MCTP2: variants seen among roughly 807,000 people sequenced by gnomAD.
MCTP2 encodes multiple C2 and transmembrane domain containing 2.
Under a neutral mutation model 111.6 loss-of-function variants are expected in MCTP2, and 132 were observed. The observed-to-expected ratio is 1.18, with a 90% CI of 1.03 to 1.37. The LOEUF is 1.37. Among genes scored for constraint, MCTP2 ranks in the 40% most tolerant of loss-of-function variants. MCTP2 has a pLI of 0.00. For missense variants in MCTP2, 1,183 were observed against 1,067.9 expected (o/e 1.11, Z -1.50); for synonymous variants, 395 against 387.7 (o/e 1.02, Z -0.22).
At chr15:94,273,843 G>C (rs2074043783) in intron 1 of MCTP2, 2 of 223,690 alleles carry the variant, frequency 8.9e-6, no homozygotes, top group African/African-American at 4.6e-5. Context: ...AGGGCCAACG[G>C]CACCACCATC....
chr15:94,243,233 A>C (rs1389294181), intron 1 of MCTP2, among the ~76,000 whole-genome samples: 1 of 149,338 alleles, frequency 6.7e-6, no homozygotes, highest in East Asian at 2.0e-4. Flanking sequence ...GTATGCGTAC[A>C]TACACATGCG....
In MCTP2 at chr15:94,315,556, AG is replaced by A. The variant is rs1181730913; in HGVS notation, c.557del (p.Ser186IlefsTer15). ...SVPGEASDGL[S>X]NLPSPFAYLL... is the part of the protein sequence containing the mutation. Reference sequence around the variant, plus strand: ...ACCGGGGGAAGCCAGTGATGGCTTGAGTAACCTCCCCAGCCCTTTTGCGTAC... The same window carrying A: ...ACCGGGGGAAGCCAGTGATGGCTTGATAACCTCCCCAGCCCTTTTGCGTAC... On this transcript the variant is annotated frameshift_variant, in exon 4 of 23. Coordinates refer to ENST00000357742, the MANE Select transcript of MCTP2 (RefSeq NM_001385001.1). LOFTEE classifies it high-confidence loss of function. The A allele has an allele frequency of 6.2e-7, 1 of 1,614,038 alleles. No individual in the cohort carries two copies. Among genetic ancestry groups the A allele is most frequent in the South Asian group, 1.1e-5 (1 of 91,072 alleles).
Position 94,298,473 on chromosome 15 carries a change from G to A in MCTP2, c.208G>A (p.Gly70Arg), listed in dbSNP as rs138635643. ...GGCCCCAGAGGGCCGGCCTTACTCC[G>A]GGCCACAGTCTTCCTACACCTCGGT... Reference protein sequence around the residue: ...ALAPEGRPYSGPQSSYTSVPS... With the variant: ...ALAPEGRPYSRPQSSYTSVPS... The change falls in exon 2 of 23, where the codon GGG (glycine) becomes AGG (arginine). Residue 70 changes from glycine (G) to arginine (R), a missense_variant. By Grantham distance (125) the Gly-to-Arg change is moderately radical (BLOSUM62 -2). Transcript: ENST00000357742. 162 of 1,613,708 alleles carry A rather than the reference G, an allele frequency of 1.0e-4. No individual in the cohort carries two copies. Among genetic ancestry groups the A allele is most frequent in the East Asian group, 5.1e-4 (23 of 44,866 alleles).
intron 17 of MCTP2, among the ~76,000 whole-genome samples, chr15:94,418,467 G>A (rs536983329): frequency 6.6e-6 from 1 of 152,160 alleles, no homozygotes; most frequent in South Asian, 2.1e-4. Flanking sequence ...ACTTTCAACT[G>A]CTCAATTACC....
rs1221983586 is a variant in MCTP2 at position 94,478,991 on chromosome 15, GC to G, written c.2595del (p.Cys865Ter). On this transcript the variant is annotated frameshift_variant, in exon 23 of 23. Transcript: ENST00000357742. LOFTEE classifies it high-confidence loss of function. Reference sequence around the variant, plus strand: ...GTGCAGTATGCAGAATTGAAACTCTGCAGCAGCCACAGCCCCCTGCGGAAGA... The same window carrying G: ...GTGCAGTATGCAGAATTGAAACTCTGAGCAGCCACAGCCCCCTGCGGAAGA... ...QKVQYAELKL[C>X]SSHSPLRKKR... is the part of the protein sequence containing the mutation. 1 of 1,613,938 alleles carries G rather than the reference GC, an allele frequency of 6.2e-7. No individual in the cohort carries two copies. The highest frequency in any genetic ancestry group is 2.2e-5 in the East Asian group (1 of 44,882).
chr15:94,261,972 T>C (rs1193202123), intron 1 of MCTP2, among the ~76,000 whole-genome samples: 3 of 152,218 alleles, frequency 2.0e-5, no homozygotes, highest in East Asian at 3.8e-4. Context: ...TAATTTCTTG[T>C]ATATTGCAAT....
At chr15:94,394,049 CAAAAAAAAA>C (rs767685107) in intron 14 of MCTP2, among the ~76,000 whole-genome samples, 2 of 61,776 alleles carry the variant, frequency 3.2e-5, no homozygotes, top group Admixed American at 4.3e-4. Flanking sequence ...AACTCCATCT[CAAAAAAAAA>C]AAAAAAAAAA....
intron 1 of MCTP2, among the ~76,000 whole-genome samples, chr15:94,264,756 C>T (rs1383739874): frequency 6.6e-6 from 1 of 152,074 alleles, no homozygotes; most frequent in East Asian, 1.9e-4. Flanking sequence ...TGTTTTTAGC[C>T]ATCTTAAGAA....
chr15:94,434,469 T>C (rs911118435), intron 17 of MCTP2, among the ~76,000 whole-genome samples: 9 of 152,164 alleles, frequency 5.9e-5, no homozygotes, highest in Admixed American at 4.6e-4. Context: ...TTTTCTCTTA[T>C]CCTTTTTTCT....
chr15:94,404,566 T>C (rs1192604595), intron 17 of MCTP2, among the ~76,000 whole-genome samples: 1 of 152,214 alleles, frequency 6.6e-6, no homozygotes. Flanking sequence ...CCCAAAGTGC[T>C]AGGATTACAG....
chr15:94,264,949 T>G (rs369285059), intron 1 of MCTP2, among the ~76,000 whole-genome samples: 13 of 152,206 alleles, frequency 8.5e-5, no homozygotes, highest in African/African-American at 3.1e-4. Flanking sequence ...CTCACTATCT[T>G]TTAAATAAAG....
intron 1 of MCTP2, among the ~76,000 whole-genome samples, chr15:94,240,239 A>G (rs959482062): frequency 1.3e-5 from 2 of 152,156 alleles, no homozygotes; most frequent in Admixed American, 6.6e-5. Context: ...TAGGAACCCT[A>G]TTAGATAGGA....
At chr15:94,399,587 C>T (rs4984391) in intron 15 of MCTP2, 119,691 of 200,096 alleles carry the variant, frequency 0.6, 37,455 homozygotes, top group Middle Eastern at 0.78. Flanking sequence ...AAGCTTAACT[C>T]AAAAGGATTT....
At chr15:94,356,614 A>T (rs1314256912) in intron 9 of MCTP2, among the ~76,000 whole-genome samples, 1 of 152,200 alleles carries the variant, frequency 6.6e-6, no homozygotes, top group Non-Finnish European at 1.5e-5. Flanking sequence ...GAAAAGGATA[A>T]GTAAAAGTTT....
chr15:94,245,380 A>G (rs1250124978), intron 1 of MCTP2, among the ~76,000 whole-genome samples: 2 of 136,090 alleles, frequency 1.5e-5, no homozygotes, highest in African/African-American at 2.8e-5. Context: ...ATACATATGT[A>G]TATGTATTTA....
At chr15:94,437,431 A>G (rs985235567) in intron 17 of MCTP2, among the ~76,000 whole-genome samples, 2 of 152,058 alleles carry the variant, frequency 1.3e-5, no homozygotes, top group African/African-American at 4.8e-5. Context: ...TATTTATAAT[A>G]GTGTTAAACT....
At chr15:94,412,898 G>C (rs2082215043) in intron 17 of MCTP2, among the ~76,000 whole-genome samples, 1 of 151,788 alleles carries the variant, frequency 6.6e-6, no homozygotes. Flanking sequence ...TGCATAGTGT[G>C]TTTAGCTGTG....
intron 8 of MCTP2, among the ~76,000 whole-genome samples, chr15:94,353,314 C>T (rs1233253506): frequency 2.0e-5 from 3 of 152,166 alleles, no homozygotes; most frequent in African/African-American, 4.8e-5. Flanking sequence ...AGCCAAGTCG[C>T]GCCTGCTACA....
intron 1 of MCTP2, among the ~76,000 whole-genome samples, chr15:94,280,277 A>G (rs2074412808): frequency 6.6e-6 from 1 of 151,858 alleles, no homozygotes; most frequent in Non-Finnish European, 1.5e-5. Flanking sequence ...TTAGTGATTC[A>G]ATTTCAGAAC....
Sources: allele counts gnomAD v4.1 joint callset (sites outside exome capture counted in the v4.1 genomes callset), GRCh38; gene constraint gnomAD v4.1.1; transcripts MANE v1.5; gene names NCBI Gene and HGNC (gene_info 2026-07-23, HGNC 2026-07-21).